TCF4: variants seen among roughly 807,000 people sequenced by gnomAD.
TCF4 encodes SL3-3 enhancer factor 2.
A neutral mutation model predicts 82.1 loss-of-function variants in TCF4; 3 were observed. The observed-to-expected ratio is 0.04, with a 90% CI of 0.02 to 0.09. The LOEUF is 0.09. Ranked by LOEUF, TCF4 falls within the 10% of genes least tolerant of loss-of-function variation. The pLI is 1.00. For synonymous variants in TCF4, 276 were observed against 309.6 expected (o/e 0.89, Z 1.14); for missense variants, 518 against 852.7 (o/e 0.61, Z 4.89).
intron 6 of TCF4, among the ~76,000 whole-genome samples, chr18:55,379,460 C>G (rs1337242142): frequency 6.6e-6 from 1 of 152,224 alleles, no homozygotes; most frequent in African/African-American, 2.4e-5. Flanking sequence ...GCTCCAGGAG[C>G]CCTGGGAAGG....
chr18:55,251,968 CTTTT>C (rs2055333616), intron 15 of TCF4, among the ~76,000 whole-genome samples: 2 of 131,308 alleles, frequency 1.5e-5, no homozygotes, highest in Non-Finnish European at 3.2e-5. Context: ...CTTAAACTTC[CTTTT>C]TATTGTGGAA....
At chr18:55,331,931 T>C (rs1025743719) in intron 8 of TCF4, 1 of 152,202 alleles carries the variant, frequency 6.6e-6, no homozygotes, top group African/African-American at 2.4e-5. Context: ...CTTTCTCTTG[T>C]ATAGCGTGGC....
At chr18:55,609,181 T>C (rs2097704870) in intron 2 of TCF4, among the ~76,000 whole-genome samples, 1 of 152,166 alleles carries the variant, frequency 6.6e-6, no homozygotes, top group South Asian at 2.1e-4. Context: ...GTTTGTCGTT[T>C]AAGCCAACTG....
chr18:55,447,075 A>T (rs1319382993), intron 5 of TCF4, among the ~76,000 whole-genome samples: 1 of 152,084 alleles, frequency 6.6e-6, no homozygotes, highest in Non-Finnish European at 1.5e-5. Context: ...AGGCTAAGGC[A>T]GGATGACTGC....
chr18:55,406,158 T>C (rs1012313934), intron 5 of TCF4, among the ~76,000 whole-genome samples: 6 of 148,646 alleles, frequency 4.0e-5, no homozygotes, highest in Non-Finnish European at 8.9e-5. Flanking sequence ...TTAAGGATTA[T>C]GCTCCTTGTA....
chr18:55,303,933 C>CA (rs1351572119), intron 8 of TCF4, among the ~76,000 whole-genome samples: 3 of 152,170 alleles, frequency 2.0e-5, no homozygotes, highest in Non-Finnish European at 2.9e-5. Context: ...ACAACCTTCT[C>CA]ACCTCTTCAC....
At chr18:55,309,278 ATTTT>A (rs5825134) in intron 8 of TCF4, among the ~76,000 whole-genome samples, 22 of 144,930 alleles carry the variant, frequency 1.5e-4, no homozygotes, top group Non-Finnish European at 2.4e-4. Context: ...TGCCTGGCTA[ATTTT>A]TTTTTTTTTT....
At chr18:55,541,936 G>A (rs1229743792) in intron 3 of TCF4, among the ~76,000 whole-genome samples, 1 of 151,872 alleles carries the variant, frequency 6.6e-6, no homozygotes, top group Non-Finnish European at 1.5e-5. Context: ...ATACCACTGA[G>A]AATGTAGATT....
At position 55,585,060 on chromosome 18, in the gene TCF4, TGA is replaced by T. The variant is rs555758032; in HGVS notation, c.145+218_145+219del. Reference sequence around the variant, plus strand: ...GCTCTTAAATTAAGTGATGGAATTTTGAGAGAGTTTCCTTGACTTAAAAAAAA... The same window carrying T: ...GCTCTTAAATTAAGTGATGGAATTTTGAGAGTTTCCTTGACTTAAAAAAAA... On this transcript the variant is annotated intron_variant, in intron 3 of 19. Coordinates refer to ENST00000354452, the MANE Select transcript of TCF4 (RefSeq NM_001083962.2). Among the ~76,000 whole-genome samples, 85 of 152,306 alleles carry T rather than the reference TGA, an allele frequency of 5.6e-4. 1 individual carries two copies. Among genetic ancestry groups the T allele is most frequent in the African/African-American group, 1.8e-3 (74 of 41,570 alleles).
intron 7 of TCF4, 83 bp downstream of exon 7, chr18:55,350,791 G>T (rs149087514): frequency 1.3e-6 from 2 of 1,590,474 alleles, no homozygotes; most frequent in Admixed American, 3.4e-5. Flanking sequence ...AGGTAGGATG[G>T]GGGGGCGATA....
At chr18:55,285,488 A>C (rs2063483064) in intron 8 of TCF4, among the ~76,000 whole-genome samples, 1 of 152,356 alleles carries the variant, frequency 6.6e-6, no homozygotes, top group Non-Finnish European at 1.5e-5. Context: ...GCTGCTGTCC[A>C]ATCAGTAGCC....
At chr18:55,594,124 C>G (rs982074699) in intron 2 of TCF4, among the ~76,000 whole-genome samples, 1 of 152,212 alleles carries the variant, frequency 6.6e-6, no homozygotes, top group Non-Finnish European at 1.5e-5. Context: ...GTCCTCTACA[C>G]ACCCCAGGGC....
intron 5 of TCF4, among the ~76,000 whole-genome samples, chr18:55,413,066 C>T (rs1270678279): frequency 2.0e-5 from 3 of 152,054 alleles, no homozygotes; most frequent in Non-Finnish European, 4.4e-5. Flanking sequence ...AAGAATATAA[C>T]AATGTTCATC....
chr18:55,384,908 C>G (rs1351834731), intron 6 of TCF4, among the ~76,000 whole-genome samples: 1 of 152,156 alleles, frequency 6.6e-6, no homozygotes, highest in Non-Finnish European at 1.5e-5. Context: ...CCAAAATCTT[C>G]AGCTCAAATA....
At chr18:55,499,603 G>A (rs1419491568) in intron 3 of TCF4, among the ~76,000 whole-genome samples, 1 of 152,160 alleles carries the variant, frequency 6.6e-6, no homozygotes, top group African/African-American at 2.4e-5. Flanking sequence ...CAATTTAATT[G>A]GGGGTGGGGT....
intron 6 of TCF4, among the ~76,000 whole-genome samples, chr18:55,388,418 C>T (rs1335285098): frequency 2.6e-5 from 4 of 152,202 alleles, no homozygotes; most frequent in African/African-American, 9.7e-5. Flanking sequence ...GTACGCACCA[C>T]GCTATTGCAA....
chr18:55,299,116 A>T (rs1372943761), intron 8 of TCF4, among the ~76,000 whole-genome samples: 2 of 152,224 alleles, frequency 1.3e-5, no homozygotes, highest in Non-Finnish European at 2.9e-5. Context: ...TCTCACATTT[A>T]AAAAACTTTC....
rs2097712882 is a variant in TCF4, at chr18:55,617,068, A to C, written c.286+14230T>G. Reference sequence around the variant, plus strand: ...TCTTCTAGGCATTTTACAGTTTATGAATTTGTAAAATTTTAGGGGCTGAAA... The same window carrying C: ...TCTTCTAGGCATTTTACAGTTTATGCATTTGTAAAATTTTAGGGGCTGAAA... On this transcript the variant is annotated intron_variant, in intron 2 of 20. Transcript: ENST00000398339. Among the ~76,000 whole-genome samples the C allele has an allele frequency of 2.0e-5, 3 of 152,218 alleles. No homozygotes were observed. The South Asian group carries it at 6.2e-4, about 32-fold the overall frequency.
At chr18:55,372,828 G>C (rs1163391615) in intron 6 of TCF4, among the ~76,000 whole-genome samples, 1 of 152,140 alleles carries the variant, frequency 6.6e-6, no homozygotes, top group Non-Finnish European at 1.5e-5. Context: ...AATTAAAAAT[G>C]TGCTAACACT....
Sources: allele counts gnomAD v4.1 joint callset (sites outside exome capture counted in the v4.1 genomes callset), GRCh38; gene constraint gnomAD v4.1.1; transcripts MANE v1.5; gene names NCBI Gene and HGNC (gene_info 2026-07-23, HGNC 2026-07-21).